The following RUNDC1 variants were observed in gnomAD, a reference collection of about 807,000 sequenced individuals.
RUNDC1 encodes RUN domain containing 1.
In RUNDC1, 31 loss-of-function variants were observed where a neutral mutation model predicts 49.3. The observed-to-expected ratio is 0.63, with a 90% CI of 0.47 to 0.85. The LOEUF (loss-of-function observed/expected upper bound fraction) is 0.85. RUNDC1 is among the 40% of genes least tolerant of loss of function. The pLI, the probability that RUNDC1 is intolerant of heterozygous loss-of-function variation, is 0.00. For synonymous variants in RUNDC1, 347 were observed against 348.6 expected (o/e 1.00, Z 0.05); for missense variants, 715 against 806.7 (o/e 0.89, Z 1.38).
chr17:42,985,643 T>G, intron 1 of RUNDC1: 1 of 480,858 alleles, frequency 2.1e-6, no homozygotes, highest in Non-Finnish European at 2.7e-6. Context: ...CATTACTTAC[T>G]TCTTCAGGGC....
chr17:42,985,602 C>T (rs369302907), intron 1 of RUNDC1: 131 of 170,922 alleles, frequency 7.7e-4, no homozygotes, highest in African/African-American at 2.2e-3. Context: ...TTGTTGTTTT[C>T]TTTTTTTTTT....
At chr17:42,984,948 T>C (rs1297624096) in intron 1 of RUNDC1, among the ~76,000 whole-genome samples, 1 of 133,502 alleles carries the variant, frequency 7.5e-6, no homozygotes, top group Non-Finnish European at 1.5e-5. Flanking sequence ...CAGGCTGGAG[T>C]GCAATGCTGC....
Position 42,990,836 on chromosome 17 carries a change from G to A in RUNDC1, c.977-15G>A. On this transcript the variant is annotated splice_polypyrimidine_tract_variant and intron_variant, in intron 4 of 4. Transcript: ENST00000361677. ...CATGGCCTCTCACTGATGAGCCACT[G>A]TCTTTTCTAAGCAGCAAAGGCAGAG... 6.4e-7 allele frequency: 1 copy of A among 1,569,738 alleles called. No individual in the cohort carries two copies. Among genetic ancestry groups the A allele is most frequent in the Non-Finnish European group, 8.7e-7 (1 of 1,154,204 alleles).
In RUNDC1 at chr17:42,991,974, GGAGGCC is replaced by G; in HGVS notation, c.*264_*269del. On this transcript the variant is annotated 3_prime_UTR_variant, in exon 5 of 5. Coordinates refer to ENST00000361677, the MANE Select transcript of RUNDC1 (RefSeq NM_173079.5). ...TCACACCTGTAATCCCAGCACTTTG[GGAGGCC>G]GAGGCGGGCGGATCACAAGGTCAGG... is the stretch of plus-strand genomic sequence containing the variant. 2.3e-6 allele frequency: 1 copy of G among 426,442 alleles called. No homozygotes were observed. Among genetic ancestry groups the G allele is most frequent in the South Asian group, 2.5e-5 (1 of 40,552 alleles). The allele number at this position is 426,442 out of a possible 1,614,324, so 26.4% of individuals were successfully genotyped here. A position where few individuals can be genotyped will look rare whatever the true frequency, so the allele number is the denominator to read the frequency against.
rs998085368 is a variant in RUNDC1 at position 42,990,981 on chromosome 17, G to A, written c.1107G>A (p.Trp369Ter). 1 of 1,614,138 alleles carries A rather than the reference G, an allele frequency of 6.2e-7. No individual in the cohort carries two copies. Among genetic ancestry groups the A allele is most frequent in the South Asian group, 1.1e-5 (1 of 91,088 alleles). The change falls in exon 5 of 5, where the codon TGG (tryptophan) becomes TGA (stop). Residue 369 changes from tryptophan to a stop codon, truncating the protein, a stop_gained. Coordinates refer to ENST00000361677, the MANE Select transcript of RUNDC1 (RefSeq NM_173079.5). LOFTEE classifies it high-confidence loss of function. ...CAGGCCAGATCCCTCCAACCCTGTG[G>A]CAGAGGGTCCAGGCTGACAGAGACT... is the stretch of plus-strand genomic sequence containing the variant. The part of the protein sequence containing the change: ...CATGQIPPTL[W>*]QRVQADRDYS...
At position 42,994,558 on chromosome 17, in the gene RUNDC1, C is replaced by T. The variant is rs1262024803; in HGVS notation, c.*2842C>T. Among the ~76,000 whole-genome samples the T allele has an allele frequency of 6.6e-6, 1 of 152,170 alleles. No individual in the cohort carries two copies. The highest frequency in any genetic ancestry group is 1.5e-5 in the Non-Finnish European group (1 of 68,036). ...TTTCTCTTTCTCCTTTATCCACCAC[C>T]CTCATTCCTCCCCTCACTTTGGGGA... On this transcript the variant is annotated 3_prime_UTR_variant, in exon 5 of 5. Coordinates refer to ENST00000361677, the MANE Select transcript of RUNDC1 (RefSeq NM_173079.5).
At chr17:42,985,819 C>G (rs1435506326) in intron 1 of RUNDC1, among the ~76,000 whole-genome samples, 1 of 152,064 alleles carries the variant, frequency 6.6e-6, no homozygotes, top group Non-Finnish European at 1.5e-5. Flanking sequence ...ACTTTACCAC[C>G]CTGAAGCATT....
In RUNDC1 at chr17:42,991,254, G is replaced by C. The variant is rs1235606204; in HGVS notation, c.1380G>C (p.Leu460=). Residue 460 remains leucine (L), a synonymous_variant, in exon 5 of 5, where the codon CTG becomes CTC. Coordinates refer to ENST00000361677, the MANE Select transcript of RUNDC1 (RefSeq NM_173079.5). ...SLVMAPIACL[L]PAFSSAPEAM... is the part of the protein sequence containing the mutation. The stretch of plus-strand genomic sequence containing the variant: ...TTATGGCTCCTATTGCTTGTTTGCT[G>C]CCAGCCTTCTCCTCGGCCCCAGAGG... 3 of 1,614,186 alleles carry C rather than the reference G, an allele frequency of 1.9e-6. No homozygotes were observed. The South Asian group carries it at 3.3e-5, about 18-fold the overall frequency.
chr17:42,985,602 C>CT (rs71157692), intron 1 of RUNDC1: 146,399 of 171,086 alleles, frequency 0.86, 62,531 homozygotes, highest in Admixed American at 0.97. Context: ...TTGTTGTTTT[C>CT]TTTTTTTTTT....
chr17:42,982,700 G>GC (rs887860543), intron 1 of RUNDC1, among the ~76,000 whole-genome samples: 2 of 151,738 alleles, frequency 1.3e-5, no homozygotes, highest in African/African-American at 4.8e-5. Flanking sequence ...CTAGCCCAGC[G>GC]CAGTGGCTCA....
At chr17:42,984,175 CTA>C (rs1246223792) in intron 1 of RUNDC1, among the ~76,000 whole-genome samples, 1 of 151,786 alleles carries the variant, frequency 6.6e-6, no homozygotes, top group East Asian at 1.9e-4. Flanking sequence ...GGGGCTCTCC[CTA>C]TGTTGCTCAG....
chr17:42,985,101 G>A (rs543313149), intron 1 of RUNDC1, among the ~76,000 whole-genome samples: 3 of 151,950 alleles, frequency 2.0e-5, no homozygotes, highest in Non-Finnish European at 2.9e-5. Context: ...TGGCCAGGCT[G>A]GTCTCGAACT....
intron 1 of RUNDC1, 83 bp downstream of exon 1, chr17:42,981,157 T>C: frequency 2.8e-6 from 4 of 1,444,822 alleles, no homozygotes; most frequent in Non-Finnish European, 3.7e-6. Context: ...TGATGGTGCA[T>C]GCGGGGAGAA....
In RUNDC1 at chr17:42,989,368, C is replaced by G. The variant is rs1450585185; in HGVS notation, c.685C>G (p.Leu229Val). ...RVIIDELIKK[L>V]DMNLNEDISS... Reference sequence around the variant, plus strand: ...GATCATAGATGAGTTAATAAAGAAACTGGACATGAATCTGAATGAGGACAT... The same window carrying G: ...GATCATAGATGAGTTAATAAAGAAAGTGGACATGAATCTGAATGAGGACAT... Residue 229 changes from leucine (L) to valine (V), a missense_variant, in exon 3 of 5, where the codon CTG (leucine) becomes GTG (valine). Physicochemically the swap from Leu to Val is conservative, Grantham distance 32. Coordinates refer to ENST00000361677, the MANE Select transcript of RUNDC1 (RefSeq NM_173079.5). 4.3e-6 allele frequency: 7 copies of G among 1,613,838 alleles called. No individual in the cohort carries two copies. Among genetic ancestry groups the G allele is most frequent in the Non-Finnish European group, 5.9e-6 (7 of 1,179,972 alleles).
rs1040778947 is a variant in RUNDC1, at chr17:42,994,946, A to G, written c.*3230A>G. On this transcript the variant is annotated 3_prime_UTR_variant, in exon 5 of 5. Transcript: ENST00000361677. The stretch of plus-strand genomic sequence containing the variant: ...GTTGTACAAGTATGATCTGCAAAGT[A>G]TTGTTAAAGCCGTCTAAGGTGCTCT... Among the ~76,000 whole-genome samples the G allele has an allele frequency of 8.4e-5, 9 of 106,660 alleles. No homozygotes were observed. Among genetic ancestry groups the G allele is most frequent in the Non-Finnish European group, 2.1e-4 (9 of 43,502 alleles). The allele number at this position is 106,660 out of a possible 152,430, so 70.0% of individuals were successfully genotyped here. A position where few individuals can be genotyped will look rare whatever the true frequency, so the allele number is the denominator to read the frequency against.
chr17:42,990,337 C>G lies in RUNDC1; in HGVS notation c.877C>G (p.Gln293Glu). ...TCCAGATGAAGTGGGAAGCCCCTTG[C>G]AGACAGGTGGTGGACACTGTGAGTG... ...FIQDEVGSPL[Q>E]TGGGHCECKA... Residue 293 changes from glutamine (Q) to glutamate (E), a missense_variant, in exon 4 of 5, where the codon CAG becomes GAG. Gln to Glu is a conservative substitution (Grantham distance 29). Transcript: ENST00000361677. 6.2e-7 allele frequency: 1 copy of G among 1,614,008 alleles called. No homozygotes were observed. Among genetic ancestry groups the G allele is most frequent in the South Asian group, 1.1e-5 (1 of 91,078 alleles).
intron 1 of RUNDC1, among the ~76,000 whole-genome samples, chr17:42,985,019 C>T (rs1207216233): frequency 1.3e-5 from 2 of 151,490 alleles, no homozygotes; most frequent in African/African-American, 2.4e-5. Flanking sequence ...CCTCAGCCTC[C>T]CAAGTAGCTA....
At chr17:42,985,218 A>G (rs1013660211) in intron 1 of RUNDC1, among the ~76,000 whole-genome samples, 2 of 152,174 alleles carry the variant, frequency 1.3e-5, no homozygotes, top group Non-Finnish European at 2.9e-5. Context: ...AGTAACATAC[A>G]ACAAATGCAT....
At position 42,980,747 on chromosome 17, in the gene RUNDC1, A is replaced by G; in HGVS notation, c.171A>G (p.Leu57=). ...AEARPGATAF[L]EEATAEEPGA... Reference sequence around the variant, plus strand: ...CCCGGCCTGGGGCAACCGCGTTTTTAGAAGAGGCGACGGCCGAGGAGCCTG... The same window carrying G: ...CCCGGCCTGGGGCAACCGCGTTTTTGGAAGAGGCGACGGCCGAGGAGCCTG... Residue 57 remains leucine, a synonymous_variant, in exon 1 of 5, where the codon TTA becomes TTG. Transcript: ENST00000361677. The G allele has an allele frequency of 6.6e-7, 1 of 1,523,082 alleles. No individual in the cohort carries two copies. Among genetic ancestry groups the G allele is most frequent in the African/African-American group, 1.4e-5 (1 of 70,874 alleles). The allele number at this position is 1,523,082 out of a possible 1,614,324, so 94.3% of individuals were successfully genotyped here.
Sources: allele counts gnomAD v4.1 joint callset (sites outside exome capture counted in the v4.1 genomes callset), GRCh38; gene constraint gnomAD v4.1.1; transcripts MANE v1.5; gene names NCBI Gene and HGNC (gene_info 2026-07-23, HGNC 2026-07-21).